KLHL18: variants seen among roughly 807,000 people sequenced by gnomAD.
KLHL18 encodes kelch like family member 18.
KLHL18 carries 38 observed loss-of-function variants against 58.5 expected under a neutral mutation model. The observed-to-expected ratio is 0.65, with a 90% CI of 0.50 to 0.85. The LOEUF is 0.85. Ranked by LOEUF, KLHL18 falls within the 40% of genes least tolerant of loss-of-function variation. KLHL18 has a pLI of 0.00. For missense variants in KLHL18, 624 were observed against 778.4 expected (o/e 0.80, Z 2.36); for synonymous variants, 303 against 301.9 (o/e 1.00, Z -0.04).
intron 1 of KLHL18, among the ~76,000 whole-genome samples, chr3:47,290,951 CAT>C (rs1364714961): frequency 3.3e-5 from 5 of 152,204 alleles, no homozygotes; most frequent in South Asian, 4.1e-4. Context: ...TGCTGCCTGA[CAT>C]GTGGGTGGGG....
chr3:47,284,330 CTTTT>C (rs1190851680), intron 1 of KLHL18, among the ~76,000 whole-genome samples: 19 of 131,830 alleles, frequency 1.4e-4, no homozygotes, highest in African/African-American at 4.2e-4. Context: ...CTCTTCTTTT[CTTTT>C]TTCTTTTTTT....
At chr3:47,316,217 C>T (rs1329595954) in intron 1 of KLHL18, among the ~76,000 whole-genome samples, 1 of 151,904 alleles carries the variant, frequency 6.6e-6, no homozygotes, top group Non-Finnish European at 1.5e-5. Flanking sequence ...TACCAAGATA[C>T]AATACTGTGA....
intron 4 of KLHL18, among the ~76,000 whole-genome samples, chr3:47,331,547 C>G (rs1174171216): frequency 6.9e-6 from 1 of 145,420 alleles, no homozygotes; most frequent in African/African-American, 2.6e-5. Flanking sequence ...TTTCTCCTGC[C>G]TCAGCTTCCC....
chr3:47,283,072 A>G lies in KLHL18; in HGVS notation c.107A>G (p.Lys36Arg), dbSNP rs760965543. The part of the protein sequence containing the change: ...GVMEEIRRQG[K>R]LCDVTLKIGD... ...ATGGAGGAGATCCGGCGGCAGGGCAAGCTGTGCGACGTGACCCTCAAGGTA... is the reference window on the plus strand; with the variant it reads ...ATGGAGGAGATCCGGCGGCAGGGCAGGCTGTGCGACGTGACCCTCAAGGTA... Residue 36 changes from lysine (K) to arginine (R), a missense_variant, in exon 1 of 10, where the codon AAG (lysine) becomes AGG (arginine). Transcript: ENST00000232766. 5.7e-6 allele frequency: 9 copies of G among 1,588,162 alleles called. No individual in the cohort carries two copies. The highest frequency in any genetic ancestry group is 3.6e-5 in the Admixed American group (2 of 55,484).
At chr3:47,333,401 G>T in intron 5 of KLHL18, 84 bp downstream of exon 5, 1 of 1,357,754 alleles carries the variant, frequency 7.4e-7, no homozygotes, top group Non-Finnish European at 1.0e-6. Flanking sequence ...GTTCTGGAAA[G>T]AAAGCATTTA....
intron 6 of KLHL18, among the ~76,000 whole-genome samples, chr3:47,335,341 AC>A (rs1703960632): frequency 6.6e-6 from 1 of 152,122 alleles, no homozygotes; most frequent in Non-Finnish European, 1.5e-5. Flanking sequence ...TGTCAATAAT[AC>A]TTTTTACTCT....
chr3:47,312,941 G>C (rs1703336972), intron 1 of KLHL18, among the ~76,000 whole-genome samples: 1 of 127,200 alleles, frequency 7.9e-6, no homozygotes, highest in African/African-American at 3.0e-5. Flanking sequence ...ATGGAGTCTC[G>C]CTCTGTCGCC....
chr3:47,307,571 A>G (rs1559491565), intron 1 of KLHL18, among the ~76,000 whole-genome samples: 1 of 151,798 alleles, frequency 6.6e-6, no homozygotes, highest in African/African-American at 2.4e-5. Context: ...TATAAAAAAA[A>G]TAGAGACAAG....
intron 4 of KLHL18, among the ~76,000 whole-genome samples, chr3:47,332,185 A>G (rs1380096547): frequency 1.3e-5 from 2 of 152,144 alleles, no homozygotes; most frequent in East Asian, 1.9e-4. Flanking sequence ...CCCCATCTCT[A>G]CTAAAAGCAC....
In KLHL18 at chr3:47,343,818, A is replaced by G. The variant is rs1276969152; in HGVS notation, c.1602A>G (p.Gly534=). 6.2e-7 allele frequency: 1 copy of G among 1,614,194 alleles called. No individual in the cohort carries two copies. Among genetic ancestry groups the G allele is most frequent in the Non-Finnish European group, 8.5e-7 (1 of 1,180,044 alleles). The change falls in exon 10 of 10, where the codon GGA becomes GGG. Residue 534 remains glycine, a synonymous_variant. Coordinates refer to ENST00000232766, the MANE Select transcript of KLHL18 (RefSeq NM_025010.5). ...TCTACGCTGTTGGGGGCTACGACGG[A>G]CAGTCAAACCTAAGCTCAGTGGAGA... The part of the protein sequence containing the change: ...GRLYAVGGYD[G]QSNLSSVEMY...
intron 2 of KLHL18, among the ~76,000 whole-genome samples, 198 bp downstream of exon 2, chr3:47,319,981 G>A (rs1403193416): frequency 6.6e-6 from 1 of 152,028 alleles, no homozygotes; most frequent in East Asian, 1.9e-4. Context: ...TTTTGATGGG[G>A]CTGTTTTTAC....
At chr3:47,299,956 C>T (rs901258821) in intron 1 of KLHL18, among the ~76,000 whole-genome samples, 1 of 151,740 alleles carries the variant, frequency 6.6e-6, no homozygotes, top group Non-Finnish European at 1.5e-5. Context: ...GAATCTCCAG[C>T]CTGCTAGCCA....
chr3:47,322,614 A>G lies in KLHL18; in HGVS notation c.307A>G (p.Ile103Val). 5 of 1,606,032 alleles carry G rather than the reference A, an allele frequency of 3.1e-6. No individual in the cohort carries two copies. The highest frequency in any genetic ancestry group is 1.1e-5 in the South Asian group (1 of 89,110). ...CTTTGCCTACAACGGCAACCTTGCC[A>G]TTGACCAGCAAAATGTCCAGTCATT... Reference protein sequence around the residue: ...INFAYNGNLAIDQQNVQSLLM... With the variant: ...INFAYNGNLAVDQQNVQSLLM... Residue 103 changes from isoleucine to valine, a missense_variant, in exon 3 of 10, where the codon ATT becomes GTT. Transcript: ENST00000232766.
Position 47,344,237 on chromosome 3 carries a change from ACC to A in KLHL18, c.*298_*299del. On this transcript the variant is annotated 3_prime_UTR_variant, in exon 10 of 10. Coordinates refer to ENST00000232766, the MANE Select transcript of KLHL18 (RefSeq NM_025010.5). The stretch of plus-strand genomic sequence containing the variant: ...CAGGCTCCATCCAGGCCCAGCTCCT[ACC>A]CACCGCCTCTCTGTGGGCCAGCTGT... The A allele has an allele frequency of 2.4e-6, 1 of 412,470 alleles. No homozygotes were observed. The allele number at this position is 412,470 out of a possible 1,614,324, so 25.6% of individuals were successfully genotyped here.
At chr3:47,325,900 C>T (rs1703708345) in intron 3 of KLHL18, among the ~76,000 whole-genome samples, 1 of 151,680 alleles carries the variant, frequency 6.6e-6, no homozygotes, top group African/African-American at 2.4e-5. Context: ...TCCGGAGTAG[C>T]AGGATTACAG....
intron 1 of KLHL18, among the ~76,000 whole-genome samples, chr3:47,305,561 T>C (rs1703127588): frequency 6.6e-6 from 1 of 152,062 alleles, no homozygotes; most frequent in African/African-American, 2.4e-5. Flanking sequence ...GGGATATTGG[T>C]CTGTACTTTT....
At chr3:47,301,071 T>C (rs1319709091) in intron 1 of KLHL18, among the ~76,000 whole-genome samples, 1 of 152,180 alleles carries the variant, frequency 6.6e-6, no homozygotes, top group African/African-American at 2.4e-5. Flanking sequence ...TCTCATTGGA[T>C]TGTTTTTTGT....
chr3:47,341,952 G>T (rs1162452394), intron 8 of KLHL18, among the ~76,000 whole-genome samples: 1 of 151,552 alleles, frequency 6.6e-6, no homozygotes, highest in Non-Finnish European at 1.5e-5. Flanking sequence ...CAGGCATGGT[G>T]GCATAAGCCT....
At chr3:47,303,247 G>A (rs1703065179) in intron 1 of KLHL18, among the ~76,000 whole-genome samples, 1 of 152,036 alleles carries the variant, frequency 6.6e-6, no homozygotes, top group African/African-American at 2.4e-5. Context: ...TCTCTACTAG[G>A]GTTCTCTTCC....
Sources: allele counts gnomAD v4.1 joint callset (sites outside exome capture counted in the v4.1 genomes callset), GRCh38; gene constraint gnomAD v4.1.1; transcripts MANE v1.5; gene names NCBI Gene and HGNC (gene_info 2026-07-23, HGNC 2026-07-21).